EVC: variants seen among roughly 807,000 people sequenced by gnomAD.
The protein encoded by EVC is EvC ciliary complex subunit 1.
EVC carries 116 observed loss-of-function variants against 118.9 expected under a neutral mutation model. The observed-to-expected ratio is 0.98, with a 90% confidence interval of 0.84 to 1.14. The LOEUF (loss-of-function observed/expected upper bound fraction) is 1.14. EVC is among the 50% of genes most tolerant of loss of function. EVC has a pLI of 0.00. For synonymous variants in EVC, 619 were observed against 534.7 expected, an observed-to-expected ratio of 1.16 and a Z score of -2.18; for missense variants, 1,401 against 1,246.4, an observed-to-expected ratio of 1.12 and a Z score of -1.87.
the EVC span, chr4:5,824,231 G>C: frequency 5.3e-6 from 5 of 937,524 alleles, no homozygotes; most frequent in African/African-American, 8.9e-5. Context: ...GTTGCACCCA[G>C]ATAGCTTTTT....
intron 15 of EVC, among the ~76,000 whole-genome samples, chr4:5,800,348 A>T (rs927965488): frequency 6.6e-6 from 1 of 151,376 alleles, no homozygotes; most frequent in South Asian, 2.1e-4. Flanking sequence ...CTGTCTAAAA[A>T]ACAAACAAAC....
At chr4:5,736,599 C>T (rs888586214) in intron 5 of EVC, among the ~76,000 whole-genome samples, 27 of 151,450 alleles carry the variant, frequency 1.8e-4, no homozygotes, top group African/African-American at 4.9e-4. Context: ...CACATGCTCA[C>T]TTCATGTCTT....
At chr4:5,720,223 T>C (rs921648780) in intron 2 of EVC, among the ~76,000 whole-genome samples, 2 of 152,182 alleles carry the variant, frequency 1.3e-5, no homozygotes, top group African/African-American at 4.8e-5. Flanking sequence ...TTTTTTAGCA[T>C]CACTCATGCC....
Position 5,742,867 on chromosome 4 carries a change from T to C in EVC, c.801+1053T>C, listed in dbSNP as rs867916593. On this transcript the variant is annotated intron_variant, in intron 6 of 20. Transcript: ENST00000264956. This position sits in a 1 kb window ranked among gnomAD's most constrained non-coding sequence, Gnocchi z 5.2. ...GGAATTCAAGGGAGAGCCAGTGGTG[T>C]TAGACAGTAGTGTTTTAGTGAATGG... Among the ~76,000 whole-genome samples the C allele has an allele frequency of 8.5e-5, 13 of 152,168 alleles. No individual in the cohort carries two copies. Among genetic ancestry groups the C allele is most frequent in the African/African-American group, 3.1e-4 (13 of 41,446 alleles).
chr4:5,824,175 C>A, the EVC span: 587 of 365,038 alleles, frequency 1.6e-3, 3 homozygotes, highest in African/African-American at 0.012. Flanking sequence ...TTGCATAACT[C>A]CAGAACAGTG....
chr4:5,716,110 C>T (rs1263656480), intron 1 of EVC, among the ~76,000 whole-genome samples: 3 of 152,174 alleles, frequency 2.0e-5, no homozygotes, highest in South Asian at 2.1e-4. Context: ...GACCAGATAG[C>T]GACACTGAGG....
At chr4:5,730,073 C>T (rs368801378) in intron 3 of EVC, among the ~76,000 whole-genome samples, 1 of 152,218 alleles carries the variant, frequency 6.6e-6, no homozygotes, top group Non-Finnish European at 1.5e-5. Context: ...TCTGGAGTCA[C>T]AGCATCTCAG....
At chr4:5,825,672 A>C in the EVC span, 4 of 1,612,128 alleles carry the variant, frequency 2.5e-6, no homozygotes, top group African/African-American at 1.3e-5. This position sits in a 1 kb window ranked among gnomAD's most constrained non-coding sequence, Gnocchi z 4.4. Context: ...AAACAGAGGA[A>C]GGGAGAGTGT....
the EVC span, among the ~76,000 whole-genome samples, chr4:5,819,551 A>C: frequency 6.6e-6 from 1 of 152,210 alleles, no homozygotes; most frequent in Non-Finnish European, 1.5e-5. Flanking sequence ...CTGGTTGGAC[A>C]GTGGCTCCCA....
At chr4:5,722,106 G>T (rs1315562678) in intron 2 of EVC, among the ~76,000 whole-genome samples, 1 of 152,112 alleles carries the variant, frequency 6.6e-6, no homozygotes, top group Non-Finnish European at 1.5e-5. Flanking sequence ...GTGATGTTGG[G>T]CAGGAAGCAT....
Position 5,719,253 on chromosome 4 carries a change from C to T in EVC, c.180C>T (p.Asp60=), listed in dbSNP as rs755788871. 15 of 1,613,984 alleles carry T rather than the reference C, an allele frequency of 9.3e-6. No individual in the cohort carries two copies. The highest frequency in any genetic ancestry group is 2.2e-5 in the East Asian group (1 of 44,884). The change falls in exon 2 of 21, where the codon GAC becomes GAT. Residue 60 remains aspartate, a synonymous_variant. Coordinates refer to ENST00000264956, the MANE Select transcript of EVC (RefSeq NM_153717.3). This position sits in a 1 kb window ranked among gnomAD's most constrained non-coding sequence, Gnocchi z 4.7. ...TCCTGACCTTCGGGTTTTAGAAAGA[C>T]GACACTCAAAATCTGCTCAAGAATT... The part of the protein sequence containing the change: ...AGRQRTRHQK[D]DTQNLLKNLE...
At chr4:5,825,220 T>A in the EVC span, 1 of 985,316 alleles carries the variant, frequency 1.0e-6, no homozygotes, top group Middle Eastern at 5.2e-4. This position sits in a 1 kb window ranked among gnomAD's most constrained non-coding sequence, Gnocchi z 4.4. Flanking sequence ...CAAATGTGTG[T>A]AAGGATGAGC....
intron 1 of EVC, among the ~76,000 whole-genome samples, chr4:5,715,226 ATCT>A (rs1375753385): frequency 2.0e-5 from 3 of 152,130 alleles, no homozygotes; most frequent in Non-Finnish European, 2.9e-5. Context: ...GATCCATTTT[ATCT>A]TCTTGAGAAA....
intron 6 of EVC, 57 bp downstream of exon 6, chr4:5,741,871 C>A (rs1364661493): frequency 1.1e-6 from 1 of 926,970 alleles, no homozygotes; most frequent in Non-Finnish European, 1.7e-6. Context: ...ATAATATATA[C>A]AACTTATGAT....
At chr4:5,730,885 C>T (rs916527973) in intron 3 of EVC, among the ~76,000 whole-genome samples, 1 of 150,240 alleles carries the variant, frequency 6.7e-6, no homozygotes, top group African/African-American at 2.5e-5. Flanking sequence ...CCATGCCAGG[C>T]CCCAGGCTGT....
intron 11 of EVC, among the ~76,000 whole-genome samples, chr4:5,760,137 G>A (rs10017434): frequency 0.43 from 65,744 of 151,896 alleles, 14,762 homozygotes; most frequent in South Asian, 0.57. Flanking sequence ...ATGGGAGGCA[G>A]GTTTGCCCTG....
At chr4:5,783,497 C>A (rs1735939601) in intron 11 of EVC, 55 bp from the exon 12 acceptor site, 1 of 1,542,942 alleles carries the variant, frequency 6.5e-7, no homozygotes, top group Non-Finnish European at 9.0e-7. Context: ...GCAGCTCAGG[C>A]CCCACACAGG....
At chr4:5,748,702 GTCCA>G (rs1729838476) in intron 8 of EVC, among the ~76,000 whole-genome samples, 2 of 51,374 alleles carry the variant, frequency 3.9e-5, no homozygotes, top group African/African-American at 8.1e-5. Context: ...CCATCCACCC[GTCCA>G]CCCATCCACC....
In EVC at chr4:5,756,043, C is replaced by T. The variant is rs1433057488; in HGVS notation, c.1465-221C>T. ...CTCCTCATCCTGGCTTTAACAAAAG[C>T]GTGGTGGTTTGTGGTGTTTCCTGGA... On this transcript the variant is annotated intron_variant, in intron 10 of 20. Coordinates refer to ENST00000264956, the MANE Select transcript of EVC (RefSeq NM_153717.3). This position sits in a 1 kb window ranked among gnomAD's most constrained non-coding sequence, Gnocchi z 4.2. 1.3e-5 allele frequency among the ~76,000 whole-genome samples: 2 copies of T among 152,118 alleles called. No homozygotes were observed. Among genetic ancestry groups the T allele is most frequent in the South Asian group, 2.1e-4 (1 of 4,828 alleles).
Sources: gnomAD v4.1 joint callset for allele counts (sites outside exome capture counted in the v4.1 genomes callset) on GRCh38, gnomAD v4.1.1 for gene constraint, Gnocchi (gnomAD v3.1) non-coding constraint, MANE v1.5 for transcripts, NCBI Gene and HGNC (gene_info 2026-07-23, HGNC 2026-07-21) for gene names.